The following FSTL4 variants were observed in gnomAD, a reference collection of about 807,000 sequenced individuals.
FSTL4 encodes follistatin-related protein 4.
Under a neutral mutation model 78.2 loss-of-function variants are expected in FSTL4, and 28 were observed. That is an observed-to-expected ratio of 0.36 (90% confidence interval 0.27 to 0.49). FSTL4 has a LOEUF of 0.49. Among genes scored for constraint, FSTL4 ranks in the 20% least tolerant of loss-of-function variants. The probability of loss-of-function intolerance (pLI) is 0.98; values close to 1 mark genes in which losing one functional copy is unlikely to be tolerated. For synonymous variants in FSTL4, 422 were observed against 440.5 expected, an observed-to-expected ratio of 0.96 and a Z score of 0.53; for missense variants, 922 against 1,084.9, an observed-to-expected ratio of 0.85 and a Z score of 2.11.
At chr5:133,495,941 C>T (rs904461486) in intron 3 of FSTL4, among the ~76,000 whole-genome samples, 2 of 152,120 alleles carry the variant, frequency 1.3e-5, no homozygotes, top group African/African-American at 4.8e-5. Context: ...AGAGCATAAA[C>T]GCAGGGACAG....
intron 3 of FSTL4, among the ~76,000 whole-genome samples, chr5:133,413,490 A>G (rs529698977): frequency 1.3e-5 from 2 of 151,902 alleles, no homozygotes; most frequent in East Asian, 3.9e-4. Context: ...GTTTTCTGCA[A>G]TTTCTCTGTG....
chr5:133,283,003 T>C (rs565691429), intron 6 of FSTL4, among the ~76,000 whole-genome samples: 4 of 152,296 alleles, frequency 2.6e-5, no homozygotes, highest in South Asian at 2.1e-4. Flanking sequence ...CAGAGGGGCA[T>C]GGAATGTCTG....
At chr5:133,777,429 A>G in the FSTL4 span, among the ~76,000 whole-genome samples, 14 of 151,590 alleles carry the variant, frequency 9.2e-5, no homozygotes, top group Non-Finnish European at 2.1e-4. Context: ...ACAGATATCA[A>G]TTAACTTATG....
At chr5:133,470,797 AAAAT>A (rs1159508882) in intron 3 of FSTL4, among the ~76,000 whole-genome samples, 4 of 119,256 alleles carry the variant, frequency 3.4e-5, no homozygotes, top group African/African-American at 1.1e-4. Flanking sequence ...AAAATAAAAT[AAAAT>A]AAAAATAAAT....
chr5:133,391,459 G>A (rs1054661034), intron 4 of FSTL4, among the ~76,000 whole-genome samples: 1 of 152,276 alleles, frequency 6.6e-6, no homozygotes, highest in Non-Finnish European at 1.5e-5. Context: ...GAAGCCTGGG[G>A]AGGAGGCTCC....
chr5:133,702,048 C>A, the FSTL4 span, among the ~76,000 whole-genome samples: 1 of 152,234 alleles, frequency 6.6e-6, no homozygotes. Flanking sequence ...CCCCAGACTT[C>A]TCTCCAGCTT....
the FSTL4 span, among the ~76,000 whole-genome samples, chr5:133,619,597 G>A: frequency 8.6e-4 from 131 of 152,308 alleles, 1 homozygote; most frequent in Admixed American, 2.0e-3. Context: ...AGCAGTTGAA[G>A]TCTCCTGACT....
At chr5:133,820,658 A>C in the FSTL4 span, among the ~76,000 whole-genome samples, 1 of 152,354 alleles carries the variant, frequency 6.6e-6, no homozygotes, top group East Asian at 1.9e-4. Flanking sequence ...CAACTCTGCA[A>C]CATTCGCCAA....
chr5:133,660,688 G>T, the FSTL4 span, among the ~76,000 whole-genome samples: 18 of 152,156 alleles, frequency 1.2e-4, no homozygotes, highest in East Asian at 9.6e-4. Flanking sequence ...ATGTCATTTT[G>T]TTCCTGAGGC....
At chr5:133,751,063 C>A in the FSTL4 span, among the ~76,000 whole-genome samples, 5,469 of 152,074 alleles carry the variant, frequency 0.036, 336 homozygotes, top group African/African-American at 0.12. Context: ...CGCCACCCTA[C>A]GTGCACCCCA....
At chr5:133,812,894 G>T in the FSTL4 span, among the ~76,000 whole-genome samples, 3 of 152,234 alleles carry the variant, frequency 2.0e-5, no homozygotes, top group South Asian at 6.2e-4. Flanking sequence ...TGACCTGGGG[G>T]CTCGGCTGCT....
At chr5:133,242,605 G>A (rs1307999109) in intron 7 of FSTL4, among the ~76,000 whole-genome samples, 5 of 152,142 alleles carry the variant, frequency 3.3e-5, no homozygotes, top group East Asian at 3.9e-4. Flanking sequence ...GGCCAGAGGA[G>A]ACACTTGGCA....
At chr5:133,336,994 T>C (rs1754477186) in intron 4 of FSTL4, among the ~76,000 whole-genome samples, 1 of 152,166 alleles carries the variant, frequency 6.6e-6, no homozygotes. Flanking sequence ...AATGGAATGA[T>C]GAATGATTTG....
In FSTL4 at chr5:133,302,639, C is replaced by T. The variant is rs550250886; in HGVS notation, c.727+10015G>A. On this transcript the variant is annotated intron_variant, in intron 6 of 15. Transcript: ENST00000265342. ...TCCCACCAGGACAGCAGTGAGTAAA[C>T]GGGAGCATGGTGCCAAACCGAGGGG... Among the ~76,000 whole-genome samples the T allele has an allele frequency of 5.1e-4, 77 of 152,264 alleles. 1 individual carries two copies. Among genetic ancestry groups the T allele is most frequent in the African/African-American group, 1.7e-3 (71 of 41,554 alleles).
the FSTL4 span, among the ~76,000 whole-genome samples, chr5:133,830,892 C>A: frequency 5.9e-5 from 9 of 152,256 alleles, no homozygotes; most frequent in African/African-American, 2.2e-4. Flanking sequence ...TCTGCTTGGC[C>A]ACTCATCAAG....
At chr5:133,493,823 T>C (rs1363327542) in intron 3 of FSTL4, among the ~76,000 whole-genome samples, 8 of 152,182 alleles carry the variant, frequency 5.3e-5, no homozygotes, top group Non-Finnish European at 1.2e-4. Flanking sequence ...TTATTTTCTA[T>C]ATGTTTGGAT....
chr5:133,197,262 CA>C lies in FSTL4; in HGVS notation c.*1832del, dbSNP rs1750171413. ...GTAAAAATGGGAGATTGGGAGTAAA[CA>C]TAACATATCAAGATATTGAGGCAGG... is the stretch of plus-strand genomic sequence containing the variant. On this transcript the variant is annotated 3_prime_UTR_variant, in exon 16 of 16. Coordinates refer to ENST00000265342, the MANE Select transcript of FSTL4 (RefSeq NM_015082.2). 3 of 21,964 alleles carry C rather than the reference CA, an allele frequency of 1.4e-4. No individual in the cohort carries two copies. The highest frequency in any genetic ancestry group is 2.3e-4 in the Non-Finnish European group (3 of 12,992). The allele number at this position is 21,964 out of a possible 1,614,324, so 1.4% of individuals were successfully genotyped here. A position where few individuals can be genotyped will look rare whatever the true frequency, so the allele number is the denominator to read the frequency against.
intron 4 of FSTL4, among the ~76,000 whole-genome samples, chr5:133,391,320 C>T (rs1755844763): frequency 6.6e-6 from 1 of 152,208 alleles, no homozygotes; most frequent in Non-Finnish European, 1.5e-5. Context: ...AATTAAACAT[C>T]TGGCTCCTGG....
chr5:133,781,365 T>G, the FSTL4 span, among the ~76,000 whole-genome samples: 14 of 143,304 alleles, frequency 9.8e-5, no homozygotes, highest in African/African-American at 2.6e-4. Flanking sequence ...TGTTAAGCGG[T>G]TGTGTGTGTG....
Sources: allele counts gnomAD v4.1 joint callset (sites outside exome capture counted in the v4.1 genomes callset), GRCh38; gene constraint gnomAD v4.1.1; transcripts MANE v1.5; gene names NCBI Gene and HGNC (gene_info 2026-07-23, HGNC 2026-07-21).